Variants in PAN3 observed in about 807,000 individuals in gnomAD.
PAN3 encodes the protein poly(A) specific ribonuclease subunit PAN3, also known as PAN2-PAN3 deadenylation complex subunit PAN3.
In PAN3, 19 loss-of-function variants were observed where a neutral mutation model predicts 96.2. That is an observed-to-expected ratio of 0.20 (90% CI 0.14 to 0.29). The LOEUF (loss-of-function observed/expected upper bound fraction) is 0.29, where lower values mean the gene tolerates loss of function less well. Ranked by LOEUF, PAN3 falls within the 10% of genes least tolerant of loss-of-function variation. PAN3 has a pLI of 1.00. For synonymous variants in PAN3, 433 were observed against 406.6 expected (o/e 1.06, Z -0.78); for missense variants, 882 against 1,108.1 (o/e 0.80, Z 2.90).
intron 5 of PAN3, among the ~76,000 whole-genome samples, chr13:28,202,436 C>T (rs1566182826): frequency 1.3e-5 from 2 of 152,098 alleles, no homozygotes; most frequent in African/African-American, 2.4e-5. Flanking sequence ...ATTTATTCTA[C>T]CTATCTGAGT....
intron 6 of PAN3, among the ~76,000 whole-genome samples, chr13:28,246,990 C>G (rs954872367): frequency 6.6e-6 from 1 of 152,070 alleles, no homozygotes; most frequent in Non-Finnish European, 1.5e-5. Flanking sequence ...TTTTGAGGAA[C>G]CTCCATACTG....
intron 4 of PAN3, among the ~76,000 whole-genome samples, chr13:28,196,604 T>A (rs1593452756): frequency 6.6e-6 from 1 of 151,990 alleles, no homozygotes. Flanking sequence ...TTAGGGTGAA[T>A]GCCTATTTAA....
intron 6 of PAN3, chr13:28,239,514 C>A: frequency 1.1e-6 from 1 of 915,106 alleles, no homozygotes; most frequent in Non-Finnish European, 1.5e-6. Flanking sequence ...TTGTCCTTTC[C>A]ACTTGGGTGT....
chr13:28,201,281 C>T (rs1878665594), intron 5 of PAN3, among the ~76,000 whole-genome samples: 1 of 151,362 alleles, frequency 6.6e-6, no homozygotes, highest in Non-Finnish European at 1.5e-5. Context: ...TGGGCTCAAG[C>T]TATCCTCCTG....
At chr13:28,220,407 T>G in intron 6 of PAN3, 29 bp downstream of exon 6, 1 of 1,606,608 alleles carries the variant, frequency 6.2e-7, no homozygotes, top group Non-Finnish European at 8.5e-7. Flanking sequence ...TCCAGTGAGT[T>G]CCAGATACCA....
intron 9 of PAN3, among the ~76,000 whole-genome samples, chr13:28,265,118 T>C (rs1165396304): frequency 6.6e-6 from 1 of 152,244 alleles, no homozygotes; most frequent in East Asian, 1.9e-4. Context: ...AAATTTACCA[T>C]TTTAACTTCC....
intron 5 of PAN3, among the ~76,000 whole-genome samples, chr13:28,205,538 TAGAA>T (rs945211644): frequency 6.6e-6 from 1 of 152,140 alleles, no homozygotes; most frequent in Non-Finnish European, 1.5e-5. Flanking sequence ...TTAAAAATTT[TAGAA>T]AGAATAAAGT....
chr13:28,282,833 ATC>A (rs1014204931), intron 17 of PAN3, among the ~76,000 whole-genome samples: 2 of 152,082 alleles, frequency 1.3e-5, no homozygotes, highest in Non-Finnish European at 2.9e-5. Flanking sequence ...AATTCTCATT[ATC>A]TCTCTGTGTT....
chr13:28,224,247 A>G (rs1881752178), intron 6 of PAN3, among the ~76,000 whole-genome samples: 1 of 152,226 alleles, frequency 6.6e-6, no homozygotes, highest in Non-Finnish European at 1.5e-5. Context: ...TTTTAATAGT[A>G]GACATAGTTA....
intron 2 of PAN3, 136 bp downstream of exon 2, chr13:28,174,529 G>A: frequency 2.0e-6 from 2 of 999,718 alleles, no homozygotes; most frequent in Non-Finnish European, 2.8e-6. Context: ...TGAGATGTAG[G>A]TAAACTATCT....
At chr13:28,184,990 G>A (rs1876276742) in intron 4 of PAN3, among the ~76,000 whole-genome samples, 1 of 152,012 alleles carries the variant, frequency 6.6e-6, no homozygotes, top group Non-Finnish European at 1.5e-5. Flanking sequence ...CTCATACTAT[G>A]TTTAAAATAG....
At chr13:28,263,174 G>C (rs1259344806) in intron 9 of PAN3, among the ~76,000 whole-genome samples, 1 of 152,176 alleles carries the variant, frequency 6.6e-6, no homozygotes, top group Non-Finnish European at 1.5e-5. Context: ...GGAGAGGTTT[G>C]ATTTGAGTCT....
In PAN3 at chr13:28,176,435, G is replaced by A. The variant is rs79103766; in HGVS notation, c.553-58G>A. 7.5e-4 allele frequency: 1,116 copies of A among 1,480,008 alleles called. 10 individuals carry two copies. In the African/African-American group the frequency reaches 0.014, roughly 18 times the overall value. The allele number at this position is 1,480,008 out of a possible 1,614,324, so 91.7% of individuals were successfully genotyped here. A position where few individuals can be genotyped will look rare whatever the true frequency, so the allele number is the denominator to read the frequency against. On this transcript the variant is annotated intron_variant, in intron 2 of 18. Coordinates refer to ENST00000380958, the MANE Select transcript of PAN3 (RefSeq NM_175854.8). ...CAAAGAGAGCCAGTCTTAATTGGTT[G>A]GATACTTTTATTTCTGTATTCCTCA...
chr13:28,215,609 T>C, intron 5 of PAN3: 2 of 925,602 alleles, frequency 2.2e-6, no homozygotes, highest in South Asian at 1.4e-5. Flanking sequence ...ACACAGCCCA[T>C]GTTGCATCCA....
At chr13:28,260,343 G>A (rs541524313) in intron 7 of PAN3, 104 bp from the exon 8 acceptor site, 3 of 802,014 alleles carry the variant, frequency 3.7e-6, no homozygotes, top group Admixed American at 2.1e-5. Context: ...GTAGTGAGCC[G>A]AGATTGCGCC....
chr13:28,245,985 G>T (rs1433366261), intron 6 of PAN3, among the ~76,000 whole-genome samples: 1 of 152,124 alleles, frequency 6.6e-6, no homozygotes, highest in Admixed American at 6.5e-5. Flanking sequence ...GAGCATTCAT[G>T]TACATGTTTT....
intron 2 of PAN3, among the ~76,000 whole-genome samples, chr13:28,174,848 T>G (rs1874757144): frequency 6.6e-6 from 1 of 152,154 alleles, no homozygotes; most frequent in Non-Finnish European, 1.5e-5. Flanking sequence ...TCAGGAATAT[T>G]CTTTGCATAT....
chr13:28,239,806 A>G (rs575972293), intron 6 of PAN3: 2 of 521,284 alleles, frequency 3.8e-6, no homozygotes, highest in South Asian at 1.7e-5. Flanking sequence ...AGTTCTGGCA[A>G]TTAACATCAG....
chr13:28,159,227 TAAAG>T (rs1036003798), intron 1 of PAN3, among the ~76,000 whole-genome samples: 14 of 152,084 alleles, frequency 9.2e-5, no homozygotes, highest in African/African-American at 3.4e-4. Flanking sequence ...GTAGACCAGA[TAAAG>T]AAAATTTGGG....
Sources: allele counts gnomAD v4.1 joint callset (sites outside exome capture counted in the v4.1 genomes callset), GRCh38; gene constraint gnomAD v4.1.1; transcripts MANE v1.5; gene names NCBI Gene and HGNC (gene_info 2026-07-23, HGNC 2026-07-21).